Variants in HECTD4 observed in about 807,000 individuals in gnomAD.
HECTD4 encodes the protein probable E3 ubiquitin-protein ligase HECTD4.
Under a neutral mutation model 471.5 loss-of-function variants are expected in HECTD4, and 114 were observed. The observed-to-expected ratio is 0.24, with a 90% confidence interval of 0.21 to 0.28. The LOEUF (loss-of-function observed/expected upper bound fraction) is 0.28, where lower values mean the gene tolerates loss of function less well. Among genes scored for constraint, HECTD4 ranks in the 10% least tolerant of loss-of-function variants. The probability of loss-of-function intolerance (pLI) is 1.00; values close to 1 mark genes in which losing one functional copy is unlikely to be tolerated. For synonymous variants in HECTD4, 2,012 were observed against 2,256.0 expected (o/e 0.89, Z 3.07); for missense variants, 3,866 against 5,651.5 (o/e 0.68, Z 10.13).
chr12:112,200,563 A>G (rs1314521295), intron 55 of HECTD4, 75 bp downstream of exon 55: 14 of 1,435,564 alleles, frequency 9.8e-6, no homozygotes, highest in Non-Finnish European at 1.3e-5. Context: ...CTGAGGATAA[A>G]TGGTACATGG....
chr12:112,242,700 C>T (rs1399095035), intron 32 of HECTD4, among the ~76,000 whole-genome samples: 2 of 151,120 alleles, frequency 1.3e-5, no homozygotes, highest in African/African-American at 2.4e-5. Context: ...CACCTGAGGT[C>T]GGGAGTTTGA....
rs1285348526 is a variant in HECTD4 at position 112,184,438 on chromosome 12, C to A, written c.10528G>T (p.Asp3510Tyr). 5 of 1,606,052 alleles carry A rather than the reference C, an allele frequency of 3.1e-6. No individual in the cohort carries two copies. Among genetic ancestry groups the A allele is most frequent in the Non-Finnish European group, 3.4e-6 (4 of 1,177,284 alleles). The change falls in exon 61 of 76, where the codon GAT (aspartate) becomes TAT (tyrosine). Residue 3510 changes from aspartate (D) to tyrosine (Y), a missense_variant. Physicochemically the swap from Asp to Tyr is radical, Grantham distance 160. Around this residue, in one of 16 missense-constraint regions of HECTD4, gnomAD observed 192 missense variants for 189.9 expected, o/e 1.01. Transcript: ENST00000682272. The surrounding 1 kb of genome is among the most constrained non-coding windows in gnomAD (Gnocchi z 9.1). Reference sequence around the variant, plus strand: ...AGCTCGAGGCCGGCAGGCAGCGGATCCACAGAGAGGTCGCTGACGGTTTGG... The same window carrying A: ...AGCTCGAGGCCGGCAGGCAGCGGATACACAGAGAGGTCGCTGACGGTTTGG... ...ISQTVSDLSVDPLPAGLELPI... is the reference protein window; with the variant it reads ...ISQTVSDLSVYPLPAGLELPI...
chr12:112,166,467 C>G lies in HECTD4; in HGVS notation c.12534+850G>C, dbSNP rs2030965164. 1 of 152,272 alleles carries G rather than the reference C, an allele frequency of 6.6e-6. No homozygotes were observed. The highest frequency in any genetic ancestry group is 1.5e-5 in the Non-Finnish European group (1 of 68,082). The allele number at this position is 152,272 out of a possible 1,614,324, so 9.4% of individuals were successfully genotyped here. A position where few individuals can be genotyped will look rare whatever the true frequency, so the allele number is the denominator to read the frequency against. On this transcript the variant is annotated intron_variant, in intron 72 of 75. Transcript: ENST00000682272. The surrounding 1 kb of genome is among the most constrained non-coding windows in gnomAD (Gnocchi z 4.6). ...CCGGGCCTCAGGCACGACGTCCACTCTCGTGGCCTTGAGGGGCGCTGGGTG... is the reference window on the plus strand; with the variant it reads ...CCGGGCCTCAGGCACGACGTCCACTGTCGTGGCCTTGAGGGGCGCTGGGTG...
Position 112,212,357 on chromosome 12 carries a change from C to T in HECTD4, c.7629+130G>A, listed in dbSNP as rs527423252. On this transcript the variant is annotated intron_variant, in intron 49 of 75. Transcript: ENST00000682272. ...CACACACTTGCTCAAGCTGGCTCTG[C>T]CCTTCCTCTGCCATTGTGTACCAAT... 7 of 727,516 alleles carry T rather than the reference C, an allele frequency of 9.6e-6. No individual in the cohort carries two copies. In the East Asian group the frequency reaches 1.8e-4, roughly 18 times the overall value. 45.1% of individuals were successfully genotyped at this position (727,516 alleles called of 1,614,324 possible).
rs1175234207 is a variant in HECTD4 at position 112,312,991 on chromosome 12, T to C, written c.916+26A>G. 2.0e-6 allele frequency: 3 copies of C among 1,531,534 alleles called. No homozygotes were observed. In the Admixed American group the frequency reaches 5.9e-5, roughly 30 times the overall value. The allele number at this position is 1,531,534 out of a possible 1,614,324, so 94.9% of individuals were successfully genotyped here. A position where few individuals can be genotyped will look rare whatever the true frequency, so the allele number is the denominator to read the frequency against. On this transcript the variant is annotated intron_variant, in intron 4 of 75. Transcript: ENST00000682272. ...CTCTTTATTTACATCTTACTATTAA[T>C]CACAGGACAAAAACTTTTACATTAC...
intron 7 of HECTD4, among the ~76,000 whole-genome samples, chr12:112,291,716 C>CA (rs2034890582): frequency 6.6e-6 from 1 of 152,004 alleles, no homozygotes; most frequent in African/African-American, 2.4e-5. Flanking sequence ...ACTAAAAATA[C>CA]AAAAAATCAG....
Position 112,259,174 on chromosome 12 carries a change from T to G in HECTD4, c.2965A>C (p.Thr989Pro), listed in dbSNP as rs1566090171. The G allele has an allele frequency of 6.2e-7, 1 of 1,613,524 alleles. No individual in the cohort carries two copies. The highest frequency in any genetic ancestry group is 8.5e-7 in the Non-Finnish European group (1 of 1,179,796). Reference protein sequence around the residue: ...LTSLMHPNLQTLIMADALMPQ... With the variant: ...LTSLMHPNLQPLIMADALMPQ... ...ATCAGGGCATCCGCCATGATCAGAG[T>G]CTGTAAATTTGGATGCATCAAGGAG... The change falls in exon 19 of 76, where the codon ACT (threonine) becomes CCT (proline). Residue 989 changes from threonine (T) to proline (P), a missense_variant. By Grantham distance (38) the Thr-to-Pro change is conservative (BLOSUM62 -1). Around this residue, in one of 16 missense-constraint regions of HECTD4, gnomAD observed 525 missense variants for 672.6 expected, o/e 0.78. Transcript: ENST00000682272.
chr12:112,239,873 G>A lies in HECTD4; in HGVS notation c.5105+8C>T, dbSNP rs373765625. ...CTTACATACAACAAAAGGCCTTTCC[G>A]TACTTACCTGGTGTAAGGTATGGTA... On this transcript the variant is annotated splice_region_variant and intron_variant, in intron 33 of 75. Coordinates refer to ENST00000682272, the MANE Select transcript of HECTD4 (RefSeq NM_001388303.1). This position sits in a 1 kb window ranked among gnomAD's most constrained non-coding sequence, Gnocchi z 4.9. The A allele has an allele frequency of 1.2e-5, 19 of 1,608,968 alleles. No homozygotes were observed. The highest frequency in any genetic ancestry group is 2.2e-5 in the South Asian group (2 of 90,332).
intron 1 of HECTD4, among the ~76,000 whole-genome samples, chr12:112,339,847 G>A (rs1049995547): frequency 2.0e-5 from 3 of 151,986 alleles, no homozygotes; most frequent in Non-Finnish European, 4.4e-5. Flanking sequence ...TCAGGAGTTC[G>A]AGACCAGCCT....
intron 69 of HECTD4, 161 bp downstream of exon 69, chr12:112,170,172 G>A: frequency 3.0e-6 from 3 of 996,678 alleles, no homozygotes; most frequent in Non-Finnish European, 1.5e-6. Context: ...GAGCTCCTGA[G>A]GGGACCTTCC....
chr12:112,299,381 T>G (rs2035116644), intron 7 of HECTD4, among the ~76,000 whole-genome samples: 1 of 152,090 alleles, frequency 6.6e-6, no homozygotes, highest in African/African-American at 2.4e-5. Context: ...TTTGGGAGAC[T>G]GAGGCAGGAG....
At chr12:112,321,940 C>T (rs922414123) in intron 1 of HECTD4, 1 of 150,216 alleles carries the variant, frequency 6.7e-6, no homozygotes, top group Non-Finnish European at 1.5e-5. Flanking sequence ...AAAAACATTA[C>T]AAAGAAATGG....
At chr12:112,346,127 C>A (rs1181187842) in intron 1 of HECTD4, among the ~76,000 whole-genome samples, 1 of 152,138 alleles carries the variant, frequency 6.6e-6, no homozygotes, top group Non-Finnish European at 1.5e-5. Context: ...GAGAAAACTG[C>A]GGGTTTAGAA....
At position 112,184,275 on chromosome 12, in the gene HECTD4, A is replaced by C; in HGVS notation, c.10691T>G (p.Val3564Gly). 1.2e-6 allele frequency: 2 copies of C among 1,613,528 alleles called. No homozygotes were observed. Among genetic ancestry groups the C allele is most frequent in the Non-Finnish European group, 1.7e-6 (2 of 1,179,866 alleles). The change falls in exon 61 of 76, where the codon GTG becomes GGG. Residue 3564 changes from valine (V) to glycine (G), a missense_variant. Around this residue, in one of 16 missense-constraint regions of HECTD4, gnomAD observed 192 missense variants for 189.9 expected, o/e 1.01. Coordinates refer to ENST00000682272, the MANE Select transcript of HECTD4 (RefSeq NM_001388303.1). This position sits in a 1 kb window ranked among gnomAD's most constrained non-coding sequence, Gnocchi z 9.1. ...TGTGTACATGGAGCCCATGTCCGACACCGAGGCCGTCTCTGCATTGTCCAG... is the reference window on the plus strand; with the variant it reads ...TGTGTACATGGAGCCCATGTCCGACCCCGAGGCCGTCTCTGCATTGTCCAG... ...EPLDNAETAS[V>G]SDMGSMYTVT...
rs1297262387 is a variant in HECTD4, at chr12:112,184,346, C to A, written c.10620G>T (p.Leu3540=). Residue 3540 remains leucine, a synonymous_variant, in exon 61 of 76, where the codon CTG becomes CTT. Coordinates refer to ENST00000682272, the MANE Select transcript of HECTD4 (RefSeq NM_001388303.1). This position sits in a 1 kb window ranked among gnomAD's most constrained non-coding sequence, Gnocchi z 9.1. ...VSSQESLDIS[L]CSTGSLGSLG... ...GGCTGCCCAGGCTGCCGGTGCTGCA[C>A]AGGGAAATGTCCAGGCTTTCCTGGC... The A allele has an allele frequency of 1.2e-6, 2 of 1,612,756 alleles. No homozygotes were observed. Among genetic ancestry groups the A allele is most frequent in the South Asian group, 1.1e-5 (1 of 91,072 alleles).
chr12:112,363,427 A>G (rs925660769), intron 1 of HECTD4, among the ~76,000 whole-genome samples: 4 of 152,160 alleles, frequency 2.6e-5, no homozygotes, highest in Non-Finnish European at 5.9e-5. Context: ...CTGCTACTCA[A>G]TAAAAGTGGC....
At chr12:112,226,231 ACT>A (rs905632116) in intron 44 of HECTD4, among the ~76,000 whole-genome samples, 7 of 152,030 alleles carry the variant, frequency 4.6e-5, no homozygotes, top group Admixed American at 1.3e-4. Context: ...TCACACACAC[ACT>A]CACACACACA....
chr12:112,244,746 T>C (rs1337359101), intron 29 of HECTD4, among the ~76,000 whole-genome samples: 1 of 152,206 alleles, frequency 6.6e-6, no homozygotes, highest in African/African-American at 2.4e-5. Context: ...ACCCCAGATA[T>C]ATTTAACTGA....
intron 60 of HECTD4, among the ~76,000 whole-genome samples, chr12:112,186,180 T>C (rs549442362): frequency 6.6e-6 from 1 of 151,982 alleles, no homozygotes; most frequent in South Asian, 2.1e-4. Context: ...ACAGTTTTCA[T>C]GGTTTTGCCA....
Sources: allele counts gnomAD v4.1 joint callset (sites outside exome capture counted in the v4.1 genomes callset), GRCh38; gene constraint gnomAD v4.1.1; regional missense constraint gnomAD v4.1.1; non-coding constraint Gnocchi (gnomAD v3.1); transcripts MANE v1.5; gene names NCBI Gene and HGNC (gene_info 2026-07-23, HGNC 2026-07-21).